CNTN3: variants seen among roughly 807,000 people sequenced by gnomAD.
The protein encoded by CNTN3 is contactin 3, also known as contactin-3.
A neutral mutation model predicts 119.1 loss-of-function variants in CNTN3; 60 were observed. That is an observed-to-expected ratio of 0.50 (90% CI 0.41 to 0.62). CNTN3 has a LOEUF of 0.62. Ranked by LOEUF, CNTN3 falls within the 20% of genes least tolerant of loss-of-function variation. The probability of loss-of-function intolerance (pLI) is 0.00; values close to 1 mark genes in which losing one functional copy is unlikely to be tolerated. For missense variants in CNTN3, 1,101 were observed against 1,242.4 expected, an observed-to-expected ratio of 0.89 and a Z score of 1.71; for synonymous variants, 450 against 438.7, an observed-to-expected ratio of 1.03 and a Z score of -0.32.
intron 4 of CNTN3, among the ~76,000 whole-genome samples, chr3:74,464,536 C>A (rs183388020): frequency 6.6e-6 from 1 of 152,052 alleles, no homozygotes; most frequent in Admixed American, 6.6e-5. Flanking sequence ...AGCTGCCAAG[C>A]CCCAGAGTGC....
In CNTN3 at chr3:74,356,950, GTCTCGC is replaced by G. The variant is rs370771025; in HGVS notation, c.1364+4934_1364+4939del. Among the ~76,000 whole-genome samples, 8 of 152,230 alleles carry G rather than the reference GTCTCGC, an allele frequency of 5.3e-5. 1 individual carries two copies. The highest frequency in any genetic ancestry group is 1.9e-4 in the African/African-American group (8 of 41,500). ...ACTTATTTATTTATTTTGAGTAGGA[GTCTCGC>G]TCTGTCGCCCAGGCTGGAGTGCAGT... is the stretch of plus-strand genomic sequence containing the variant. On this transcript the variant is annotated intron_variant, in intron 11 of 22. Transcript: ENST00000263665.
At chr3:74,333,088 A>C (rs894567203) in intron 13 of CNTN3, among the ~76,000 whole-genome samples, 1 of 152,258 alleles carries the variant, frequency 6.6e-6, no homozygotes, top group Non-Finnish European at 1.5e-5. Flanking sequence ...GATTTTAGCA[A>C]TTGGTGAAGT....
intron 1 of CNTN3, among the ~76,000 whole-genome samples, chr3:74,561,321 G>A (rs778397848): frequency 5.3e-5 from 8 of 151,876 alleles, no homozygotes; most frequent in Non-Finnish European, 1.2e-4. Flanking sequence ...TTATTTCCCT[G>A]CTTAAATGTC....
At position 74,543,075 on chromosome 3, in the gene CNTN3, CTA is replaced by C. The variant is rs1703864040; in HGVS notation, c.-80-21885_-80-21884del. ...CTCATGAGTTCAAAGCTGCAGTGTGCTATGAGTGTACACCACTGCACTCCACC... is the reference window on the plus strand; with the variant it reads ...CTCATGAGTTCAAAGCTGCAGTGTGCTGAGTGTACACCACTGCACTCCACC... On this transcript the variant is annotated intron_variant, in intron 1 of 22. Coordinates refer to ENST00000263665, the MANE Select transcript of CNTN3 (RefSeq NM_020872.3). Among the ~76,000 whole-genome samples, 3 of 151,968 alleles carry C rather than the reference CTA, an allele frequency of 2.0e-5. 1 individual carries two copies. Among genetic ancestry groups the C allele is most frequent in the Non-Finnish European group, 4.4e-5 (3 of 68,002 alleles).
At chr3:74,489,522 C>G (rs1317223501) in intron 3 of CNTN3, among the ~76,000 whole-genome samples, 1 of 150,708 alleles carries the variant, frequency 6.6e-6, no homozygotes, top group Non-Finnish European at 1.5e-5. Context: ...AGTGTCTATA[C>G]TGGGCAATTT....
At chr3:74,599,032 G>C (rs1249209879) in intron 1 of CNTN3, among the ~76,000 whole-genome samples, 1 of 152,174 alleles carries the variant, frequency 6.6e-6, no homozygotes, top group African/African-American at 2.4e-5. Context: ...CTGCTCATTT[G>C]TTGTAAGGAC....
At chr3:74,303,615 C>A (rs1209693376) in intron 13 of CNTN3, among the ~76,000 whole-genome samples, 2 of 152,214 alleles carry the variant, frequency 1.3e-5, no homozygotes, top group Non-Finnish European at 2.9e-5. Flanking sequence ...ATCACTTGAA[C>A]TTGGGAGGTG....
chr3:74,369,344 C>A lies in CNTN3; in HGVS notation c.791G>T (p.Ser264Ile), dbSNP rs570303101. The change falls in exon 8 of 23, where the codon AGT becomes ATT. Residue 264 changes from serine to isoleucine, a missense_variant. Physicochemically the swap from Ser to Ile is moderately radical, Grantham distance 142. Transcript: ENST00000263665. Reference protein sequence around the residue: ...NPIPQINWRRSDGLPFSSKIK... With the variant: ...NPIPQINWRRIDGLPFSSKIK... ...TTTGCTGGAAAATGGCAGCCCATCACTTCTTCTCCAATTAATCTGAGGTAT... is the reference window on the plus strand; with the variant it reads ...TTTGCTGGAAAATGGCAGCCCATCAATTCTTCTCCAATTAATCTGAGGTAT... The A allele has an allele frequency of 8.1e-6, 13 of 1,604,636 alleles. No individual in the cohort carries two copies. In the African/African-American group the frequency reaches 1.2e-4, roughly 15 times the overall value.
chr3:74,441,399 C>T (rs1035024274), intron 4 of CNTN3, among the ~76,000 whole-genome samples: 1 of 152,042 alleles, frequency 6.6e-6, no homozygotes, highest in African/African-American at 2.4e-5. Context: ...AGCATAAATC[C>T]ATACTACTTG....
At chr3:74,315,053 A>C (rs546226317) in intron 13 of CNTN3, among the ~76,000 whole-genome samples, 1 of 152,344 alleles carries the variant, frequency 6.6e-6, no homozygotes, top group African/African-American at 2.4e-5. Context: ...CAAGATGCCA[A>C]TAAAAGTGAC....
rs1281415044 is a variant in CNTN3 at position 74,262,731 on chromosome 3, C to G, written c.*1670G>C. The G allele has an allele frequency of 6.6e-6, 1 of 152,448 alleles. No individual in the cohort carries two copies. Among genetic ancestry groups the G allele is most frequent in the South Asian group, 2.1e-4 (1 of 4,814 alleles). 9.4% of individuals were successfully genotyped at this position (152,448 alleles called of 1,614,324 possible). On this transcript the variant is annotated 3_prime_UTR_variant, in exon 23 of 23. Transcript: ENST00000263665. ...AAACAACATGAAACAATAGAGCAAT[C>G]ATCTTGAAAATGAAAAGTATAGGAA... is the stretch of plus-strand genomic sequence containing the variant.
chr3:74,371,165 C>T, intron 6 of CNTN3, 31 bp downstream of exon 6: 1 of 1,544,662 alleles, frequency 6.5e-7, no homozygotes, highest in Non-Finnish European at 8.9e-7. Flanking sequence ...ACCATTTACG[C>T]TCAGAAGTGC....
At chr3:74,401,953 T>A (rs965870909) in intron 5 of CNTN3, among the ~76,000 whole-genome samples, 9 of 152,178 alleles carry the variant, frequency 5.9e-5, no homozygotes, top group Non-Finnish European at 1.3e-4. Context: ...AAGCCCATCT[T>A]TTAAGAATAA....
intron 2 of CNTN3, among the ~76,000 whole-genome samples, chr3:74,511,293 A>G (rs1703359040): frequency 6.6e-6 from 1 of 152,146 alleles, no homozygotes; most frequent in Non-Finnish European, 1.5e-5. Context: ...ACAGGGAGTA[A>G]GACATCCATG....
At chr3:74,370,083 T>TGG (rs969298260) in intron 6 of CNTN3, 92 bp from the exon 7 acceptor site, 13 of 685,378 alleles carry the variant, frequency 1.9e-5, no homozygotes, top group African/African-American at 1.5e-4. Context: ...GCTCCCATTT[T>TGG]GAACCAGCTC....
At chr3:74,577,776 A>G (rs574734873) in intron 1 of CNTN3, among the ~76,000 whole-genome samples, 1 of 152,210 alleles carries the variant, frequency 6.6e-6, no homozygotes, top group South Asian at 2.1e-4. Context: ...TTTATCTTGA[A>G]CTAATGATAG....
At chr3:74,455,781 G>A (rs1702256724) in intron 4 of CNTN3, among the ~76,000 whole-genome samples, 1 of 152,014 alleles carries the variant, frequency 6.6e-6, no homozygotes, top group African/African-American at 2.4e-5. Context: ...GACCCTGTTT[G>A]CCTGGAAGCC....
intron 11 of CNTN3, among the ~76,000 whole-genome samples, chr3:74,358,335 G>C (rs1703988816): frequency 6.6e-6 from 1 of 151,774 alleles, no homozygotes; most frequent in African/African-American, 2.4e-5. Flanking sequence ...AAGGGATAGA[G>C]AACTAACTTT....
intron 5 of CNTN3, among the ~76,000 whole-genome samples, chr3:74,379,409 T>C (rs984973409): frequency 3.3e-5 from 5 of 152,016 alleles, no homozygotes; most frequent in African/African-American, 9.7e-5. Context: ...ACCTGCCTCA[T>C]TGTCTTCATT....
Sources: allele counts gnomAD v4.1 joint callset (sites outside exome capture counted in the v4.1 genomes callset), GRCh38; gene constraint gnomAD v4.1.1; transcripts MANE v1.5; gene names NCBI Gene and HGNC (gene_info 2026-07-23, HGNC 2026-07-21).